TF: variants seen among roughly 807,000 people sequenced by gnomAD.
TF encodes the protein serotransferrin.
A neutral mutation model predicts 82.4 loss-of-function variants in TF; 55 were observed. That is an observed-to-expected ratio of 0.67 (90% CI 0.54 to 0.84). The LOEUF (loss-of-function observed/expected upper bound fraction) is 0.84, where lower values mean the gene tolerates loss of function less well. Among genes scored for constraint, TF ranks in the 40% least tolerant of loss-of-function variants. TF has a pLI of 0.00. For missense variants in TF, 737 were observed against 868.4 expected (o/e 0.85, Z 1.90); for synonymous variants, 332 against 332.6 (o/e 1.00, Z 0.02).
At chr3:133,744,720 CAG>C (rs1933457708), upstream of TF, among the ~76,000 whole-genome samples, 1 of 152,188 alleles carries the variant, frequency 6.6e-6, no homozygotes, top group Non-Finnish European at 1.5e-5. Context: ...TCACTGTAAA[CAG>C]AAAGCTTCTG....
At chr3:133,734,752 C>T in the TF span, among the ~76,000 whole-genome samples, 1 of 151,504 alleles carries the variant, frequency 6.6e-6, no homozygotes, top group Non-Finnish European at 1.5e-5. Context: ...AAATGCACAA[C>T]CTGAGTCAAA....
At chr3:133,704,717 T>C in the TF span, among the ~76,000 whole-genome samples, 1 of 152,188 alleles carries the variant, frequency 6.6e-6, no homozygotes, top group African/African-American at 2.4e-5. Context: ...CTCCCCATTG[T>C]CTTCAAGAAA....
At chr3:133,706,862 C>T in the TF span, among the ~76,000 whole-genome samples, 2 of 152,162 alleles carry the variant, frequency 1.3e-5, no homozygotes, top group Non-Finnish European at 2.9e-5. Context: ...AGCTCCCCTT[C>T]CTGTGTGGCA....
rs41295784 is a variant in TF, at chr3:133,763,837, C to T, written c.1204-345C>T. 5.6e-3 allele frequency among the ~76,000 whole-genome samples: 855 copies of T among 152,344 alleles called. 12 individuals are homozygous for T. The highest frequency in any genetic ancestry group is 0.019 in the African/African-American group (807 of 41,580). ...CCACAGCCACGAGTCCCTGACTCCA[C>T]TCATCCATCTGCACGTGAGAATTCT... On this transcript the variant is annotated intron_variant, in intron 9 of 16. Coordinates refer to ENST00000402696, the MANE Select transcript of TF (RefSeq NM_001063.4).
the TF span, among the ~76,000 whole-genome samples, chr3:133,731,696 T>G: frequency 6.6e-6 from 1 of 152,214 alleles, no homozygotes. Context: ...GCAAGCAATC[T>G]AATAGCAATG....
At position 133,783,622 on chromosome 3, in the gene TF, T is replaced by C. The variant is rs1576371312; in HGVS notation, c.*5002T>C. ...ATTCAGAAGTCCTGTAAGACAAAAA[T>C]AGACAAATAAAATGTGAAGATTTTT... is the stretch of plus-strand genomic sequence containing the variant. On this transcript the variant is annotated 3_prime_UTR_variant, in exon 17 of 17. Coordinates refer to ENST00000402696, the MANE Select transcript of TF (RefSeq NM_001063.4). 1 of 152,230 alleles carries C rather than the reference T, an allele frequency of 6.6e-6. No individual in the cohort carries two copies. The highest frequency in any genetic ancestry group is 2.1e-4 in the South Asian group (1 of 4,820). The allele number at this position is 152,230 out of a possible 1,614,324, so 9.4% of individuals were successfully genotyped here.
chr3:133,744,895 C>T (rs1162734087), upstream of TF, among the ~76,000 whole-genome samples: 1 of 152,188 alleles, frequency 6.6e-6, no homozygotes, highest in Non-Finnish European at 1.5e-5. Flanking sequence ...CCCTATCTCC[C>T]ACCTGAGTCT....
Position 133,754,506 on chromosome 3 carries a change from T to C in TF, c.337T>C (p.Phe113Leu), listed in dbSNP as rs1217453131. 1.9e-6 allele frequency: 3 copies of C among 1,613,914 alleles called. No individual in the cohort carries two copies. Among genetic ancestry groups the C allele is most frequent in the Non-Finnish European group, 2.5e-6 (3 of 1,179,962 alleles). Residue 113 changes from phenylalanine to leucine, a missense_variant, in exon 4 of 17, where the codon TTC (phenylalanine) becomes CTC (leucine). By Grantham distance (22) the Phe-to-Leu change is conservative. Coordinates refer to ENST00000402696, the MANE Select transcript of TF (RefSeq NM_001063.4). ...CTGTGCCTTTGCAGATCCACAGACT[T>C]TCTATTATGCTGTTGCTGTGGTGAA... ...FYGSKEDPQT[F>L]YYAVAVVKKD...
the TF span, chr3:133,701,019 T>G: frequency 6.6e-6 from 1 of 152,642 alleles, no homozygotes; most frequent in Middle Eastern, 3.4e-3. Flanking sequence ...ACCTGGGATA[T>G]GAGTATTTTT....
At chr3:133,703,598 G>C in the TF span, among the ~76,000 whole-genome samples, 3 of 152,176 alleles carry the variant, frequency 2.0e-5, no homozygotes, top group Non-Finnish European at 4.4e-5. Flanking sequence ...TTTTGCTGCT[G>C]TAGTCACTGT....
chr3:133,685,450 A>G, the TF span, among the ~76,000 whole-genome samples: 1 of 152,076 alleles, frequency 6.6e-6, no homozygotes. Flanking sequence ...TATTTAGAAA[A>G]CCCCATCGTC....
chr3:133,726,138 C>T, the TF span, among the ~76,000 whole-genome samples: 6 of 152,152 alleles, frequency 3.9e-5, no homozygotes, highest in African/African-American at 1.4e-4. Flanking sequence ...TGTGTCTCTG[C>T]CCGGCTTTGA....
chr3:133,753,878 G>C, intron 3 of TF, 175 bp downstream of exon 3: 1 of 685,766 alleles, frequency 1.5e-6, no homozygotes. Flanking sequence ...GCCTCTGGGG[G>C]CTTTGGGCTG....
Position 133,777,207 on chromosome 3 carries a change from T to C in TF, c.2031T>C (p.Ala677=). 1 of 1,613,698 alleles carries C rather than the reference T, an allele frequency of 6.2e-7. No individual in the cohort carries two copies. The highest frequency in any genetic ancestry group is 8.5e-7 in the Non-Finnish European group (1 of 1,180,008). Residue 677 remains alanine (A), a synonymous_variant, in exon 16 of 17, where the codon GCT becomes GCC. Coordinates refer to ENST00000402696, the MANE Select transcript of TF (RefSeq NM_001063.4). ...ACTTAGGAGAAGAATATGTCAAGGCTGTTGGTAACCTGAGAAAATGCTCCA... is the reference window on the plus strand; with the variant it reads ...ACTTAGGAGAAGAATATGTCAAGGCCGTTGGTAACCTGAGAAAATGCTCCA... ...EKYLGEEYVK[A]VGNLRKCSTS...
At chr3:133,725,244 G>T in the TF span, among the ~76,000 whole-genome samples, 12 of 152,228 alleles carry the variant, frequency 7.9e-5, no homozygotes, top group African/African-American at 2.9e-4. Context: ...AATTACCTTG[G>T]GCAGTATGGC....
At chr3:133,742,330 A>G (rs1457177876), upstream of TF, among the ~76,000 whole-genome samples, 3 of 152,146 alleles carry the variant, frequency 2.0e-5, no homozygotes, top group Non-Finnish European at 4.4e-5. Flanking sequence ...GCCCTGGACT[A>G]TTCTTCATGA....
chr3:133,719,061 G>C, the TF span, among the ~76,000 whole-genome samples: 3 of 152,244 alleles, frequency 2.0e-5, no homozygotes, highest in South Asian at 6.2e-4. Context: ...ACTGATTTTG[G>C]ATGTGCTCAG....
the TF span, among the ~76,000 whole-genome samples, chr3:133,694,585 T>C: frequency 6.6e-6 from 1 of 152,134 alleles, no homozygotes; most frequent in African/African-American, 2.4e-5. Flanking sequence ...GTTACCCTCC[T>C]AGACAAGGGA....
upstream of TF, among the ~76,000 whole-genome samples, chr3:133,745,723 C>T (rs966622480): frequency 3.9e-5 from 6 of 152,314 alleles, no homozygotes; most frequent in African/African-American, 1.4e-4. Context: ...AGTTCATCTT[C>T]CCCTATGACT....
Sources: allele counts gnomAD v4.1 joint callset (sites outside exome capture counted in the v4.1 genomes callset), GRCh38; gene constraint gnomAD v4.1.1; transcripts MANE v1.5; gene names NCBI Gene and HGNC (gene_info 2026-07-23, HGNC 2026-07-21).